PIK3C2G: variants seen among roughly 807,000 people sequenced by gnomAD.
PIK3C2G encodes phosphatidylinositol 3-kinase C2 domain-containing subunit gamma.
Under a neutral mutation model 181.1 loss-of-function variants are expected in PIK3C2G, and 168 were observed. That is an observed-to-expected ratio of 0.93 (90% CI 0.82 to 1.05). The LOEUF is 1.05. Ranked by LOEUF, PIK3C2G falls within the 50% of genes least tolerant of loss-of-function variation. PIK3C2G has a pLI of 0.00. For synonymous variants in PIK3C2G, 573 were observed against 592.2 expected, an observed-to-expected ratio of 0.97 and a Z score of 0.47; for missense variants, 1,869 against 1,732.8, an observed-to-expected ratio of 1.08 and a Z score of -1.40.
the PIK3C2G span, among the ~76,000 whole-genome samples, chr12:18,678,914 T>C: frequency 6.6e-6 from 1 of 152,072 alleles, no homozygotes; most frequent in Admixed American, 6.6e-5. Context: ...TAAGAAATGG[T>C]CAAACTGTTT....
At chr12:18,406,264 G>A (rs757788490) in intron 16 of PIK3C2G, among the ~76,000 whole-genome samples, 10 of 152,054 alleles carry the variant, frequency 6.6e-5, no homozygotes, top group Admixed American at 1.3e-4. Flanking sequence ...CCACAGTGTC[G>A]TTATCCATTC....
chr12:18,364,088 T>C (rs1299672499), intron 12 of PIK3C2G, among the ~76,000 whole-genome samples: 1 of 152,206 alleles, frequency 6.6e-6, no homozygotes. Flanking sequence ...CCTTTTGTAG[T>C]GTGGCCCCTA....
chr12:18,662,126 AG>A, the PIK3C2G span, among the ~76,000 whole-genome samples: 2 of 152,090 alleles, frequency 1.3e-5, no homozygotes, highest in African/African-American at 4.8e-5. Flanking sequence ...GACTACTTGA[AG>A]ATGGAAAGTG....
At chr12:18,399,493 G>A (rs186841108) in intron 15 of PIK3C2G, among the ~76,000 whole-genome samples, 166 bp from the exon 16 acceptor site, 1 of 151,878 alleles carries the variant, frequency 6.6e-6, no homozygotes, top group East Asian at 1.9e-4. Context: ...AAAATAAACT[G>A]ATGAAATAAC....
At chr12:18,722,894 T>C in the PIK3C2G span, among the ~76,000 whole-genome samples, 1 of 152,018 alleles carries the variant, frequency 6.6e-6, no homozygotes, top group Non-Finnish European at 1.5e-5. Flanking sequence ...ATTTAGCACA[T>C]TTAATTTTCA....
chr12:18,498,022 T>C (rs1176733667), intron 22 of PIK3C2G, among the ~76,000 whole-genome samples: 2 of 152,216 alleles, frequency 1.3e-5, no homozygotes, highest in African/African-American at 4.8e-5. Context: ...AGAGTGAGTT[T>C]CATTAATAAC....
intron 25 of PIK3C2G, among the ~76,000 whole-genome samples, chr12:18,542,717 T>C (rs1299028341): frequency 6.6e-6 from 1 of 151,846 alleles, no homozygotes; most frequent in Non-Finnish European, 1.5e-5. Context: ...GCTCCACCCA[T>C]GTTCCAGTAA....
intron 24 of PIK3C2G, among the ~76,000 whole-genome samples, chr12:18,529,239 C>A (rs1943413873): frequency 6.6e-6 from 1 of 152,056 alleles, no homozygotes; most frequent in African/African-American, 2.4e-5. Context: ...AAGAGGCATG[C>A]AAAAACTAAG....
chr12:18,321,761 T>G (rs1037420965), intron 7 of PIK3C2G, among the ~76,000 whole-genome samples: 1 of 152,132 alleles, frequency 6.6e-6, no homozygotes, highest in African/African-American at 2.4e-5. Flanking sequence ...CATGCAGCCA[T>G]ATAAAGGAAT....
chr12:18,703,353 G>C, the PIK3C2G span, among the ~76,000 whole-genome samples: 1 of 152,022 alleles, frequency 6.6e-6, no homozygotes, highest in Non-Finnish European at 1.5e-5. Context: ...ATTTTTCACT[G>C]ATTTAAATAA....
At position 18,286,916 on chromosome 12, in the gene PIK3C2G, A is replaced by C. The variant is rs770624194; in HGVS notation, c.748A>C (p.Asn250His). 26 of 1,553,464 alleles carry C rather than the reference A, an allele frequency of 1.7e-5. No individual in the cohort carries two copies. The highest frequency in any genetic ancestry group is 2.3e-5 in the Non-Finnish European group (26 of 1,147,618). ...SSNTSLASFCNKVKKIRERYH... is the reference protein window; with the variant it reads ...SSNTSLASFCHKVKKIRERYH... ...CAATACGAGTCTGGCCTCTTTTTGC[A>C]ACAAAGTAAAAAAGTGAGTACTGGT... is the stretch of plus-strand genomic sequence containing the variant. The change falls in exon 3 of 33, where the codon AAC becomes CAC. Residue 250 changes from asparagine to histidine, a missense_variant. Transcript: ENST00000538779.
chr12:18,303,140 TTTCTTTTCTTTCTTCTTTC>T (rs1950267234), intron 5 of PIK3C2G, among the ~76,000 whole-genome samples: 7 of 37,266 alleles, frequency 1.9e-4, no homozygotes, highest in Non-Finnish European at 3.3e-4. Flanking sequence ...CTTTCTTTCT[TTTCTTTTCTTTCTTCTTTC>T]TCTTTCTTTC....
chr12:18,336,018 C>T (rs930041916), intron 8 of PIK3C2G, among the ~76,000 whole-genome samples: 1 of 151,566 alleles, frequency 6.6e-6, no homozygotes, highest in African/African-American at 2.4e-5. Context: ...TGAAAAAAAA[C>T]ATAGAACCTA....
chr12:18,458,812 G>A (rs982271528), intron 18 of PIK3C2G, among the ~76,000 whole-genome samples: 10 of 151,528 alleles, frequency 6.6e-5, no homozygotes, highest in African/African-American at 2.2e-4. Flanking sequence ...CATGACGATG[G>A]CTTCTAGTTG....
chr12:18,509,275 C>T (rs1284023569), intron 24 of PIK3C2G, among the ~76,000 whole-genome samples: 2 of 152,118 alleles, frequency 1.3e-5, no homozygotes, highest in South Asian at 2.1e-4. Context: ...CTCGAACTCC[C>T]GACCTCAGGC....
the PIK3C2G span, among the ~76,000 whole-genome samples, chr12:18,696,789 C>T: frequency 6.6e-6 from 1 of 152,106 alleles, no homozygotes. Context: ...TCCAGTTCGA[C>T]TTCCAATCCC....
intron 31 of PIK3C2G, among the ~76,000 whole-genome samples, chr12:18,615,989 T>C (rs934101218): frequency 1.3e-5 from 2 of 152,086 alleles, no homozygotes; most frequent in African/African-American, 2.4e-5. Flanking sequence ...GGATCATTCA[T>C]TGTTCACTAA....
At chr12:18,685,507 T>C in the PIK3C2G span, 1 of 239,056 alleles carries the variant, frequency 4.2e-6, no homozygotes, top group South Asian at 5.1e-5. Flanking sequence ...GAAGCACTGA[T>C]GAATTTCTAA....
At chr12:18,627,668 C>G (rs957104512) in intron 31 of PIK3C2G, among the ~76,000 whole-genome samples, 2 of 152,180 alleles carry the variant, frequency 1.3e-5, no homozygotes, top group Non-Finnish European at 2.9e-5. Flanking sequence ...CAAATCATAT[C>G]GCAAGTGCTT....
Sources: allele counts gnomAD v4.1 joint callset (sites outside exome capture counted in the v4.1 genomes callset), GRCh38; gene constraint gnomAD v4.1.1; transcripts MANE v1.5; gene names NCBI Gene and HGNC (gene_info 2026-07-23, HGNC 2026-07-21).